The following EPM2A variants were observed in gnomAD, a reference collection of about 807,000 sequenced individuals.
The protein encoded by EPM2A is laforin.
A neutral mutation model predicts 26.5 loss-of-function variants in EPM2A; 21 were observed. The ratio of observed to expected loss-of-function variants is 0.79; its 90% CI spans 0.56 to 1.14. EPM2A has a LOEUF of 1.14. EPM2A is among the 50% of genes most tolerant of loss of function. The probability of loss-of-function intolerance (pLI) is 0.00; values close to 1 mark genes in which losing one functional copy is unlikely to be tolerated. For missense variants in EPM2A, 458 were observed against 440.8 expected (o/e 1.04, Z -0.35); for synonymous variants, 217 against 177.6 (o/e 1.22, Z -1.76).
intron 4 of EPM2A, among the ~76,000 whole-genome samples, chr6:145,467,034 C>G (rs1779407509): frequency 1.3e-5 from 2 of 152,148 alleles, no homozygotes; most frequent in South Asian, 4.1e-4. Context: ...GGGAGATATA[C>G]CTAATGCTAG....
chr6:145,517,635 C>T (rs918798926), intron 2 of EPM2A, among the ~76,000 whole-genome samples: 2 of 152,126 alleles, frequency 1.3e-5, no homozygotes, highest in African/African-American at 4.8e-5. Flanking sequence ...AAAAGACTAC[C>T]TAATTTATAT....
intron 2 of EPM2A, among the ~76,000 whole-genome samples, chr6:145,577,620 A>C: frequency 6.6e-6 from 1 of 150,980 alleles, no homozygotes; most frequent in Admixed American, 6.6e-5. Context: ...CTAAAATTTC[A>C]CTTTTGGCTT....
Position 145,414,115 on chromosome 6 carries a change from G to A in EPM2A, c.556-30018C>T, listed in dbSNP as rs529465528. ...GCACCTGAGGTGATCTTCCTCTTGGGCAGGATGGAAGTACTCCAGATCAAC... is the reference window on the plus strand; with the variant it reads ...GCACCTGAGGTGATCTTCCTCTTGGACAGGATGGAAGTACTCCAGATCAAC... On this transcript the variant is annotated intron_variant, in intron 4 of 4. Transcript: ENST00000638717. 7.2e-5 allele frequency among the ~76,000 whole-genome samples: 11 copies of A among 152,236 alleles called. 1 individual carries two copies. The South Asian group carries it at 2.1e-3, about 29-fold the overall frequency.
intron 2 of EPM2A, among the ~76,000 whole-genome samples, chr6:145,682,202 A>G (rs1431777588): frequency 6.6e-6 from 1 of 152,134 alleles, no homozygotes; most frequent in Non-Finnish European, 1.5e-5. Context: ...ACAAAGAGAG[A>G]GCATGTGCAG....
At chr6:145,386,939 G>A (rs1778270084) in intron 4 of EPM2A, among the ~76,000 whole-genome samples, 1 of 152,032 alleles carries the variant, frequency 6.6e-6, no homozygotes, top group African/African-American at 2.4e-5. Context: ...TCAGAGTATT[G>A]ACATACTTTA....
chr6:145,461,575 G>A (rs1170115807), intron 4 of EPM2A, among the ~76,000 whole-genome samples: 2 of 151,994 alleles, frequency 1.3e-5, no homozygotes, highest in South Asian at 2.1e-4. Flanking sequence ...TGTTGTGTAC[G>A]GTCTCACAGG....
chr6:145,676,189 T>C (rs112532589), intron 2 of EPM2A, among the ~76,000 whole-genome samples: 29 of 152,118 alleles, frequency 1.9e-4, no homozygotes, highest in Non-Finnish European at 3.4e-4. Flanking sequence ...GGATAAATAA[T>C]GAAATGAAGG....
At chr6:145,443,237 C>A (rs892271331) in intron 4 of EPM2A, among the ~76,000 whole-genome samples, 3 of 152,106 alleles carry the variant, frequency 2.0e-5, no homozygotes, top group Non-Finnish European at 4.4e-5. Flanking sequence ...CCATATGAAC[C>A]TTAGAATACA....
At chr6:145,580,195 G>T (rs1399225491) in intron 2 of EPM2A, among the ~76,000 whole-genome samples, 3 of 152,040 alleles carry the variant, frequency 2.0e-5, no homozygotes, top group Non-Finnish European at 4.4e-5. Flanking sequence ...CTGCCTGAAG[G>T]ACTTCCTCCA....
At chr6:145,735,522 C>T (rs1776827314), upstream of EPM2A, 7 of 1,175,660 alleles carry the variant, frequency 6.0e-6, no homozygotes, top group Middle Eastern at 3.5e-4. Context: ...GGCGCGAATA[C>T]CCGGGCCCGG....
At chr6:145,491,724 C>T (rs769467012) in intron 4 of EPM2A, 17 of 496,758 alleles carry the variant, frequency 3.4e-5, no homozygotes, top group Non-Finnish European at 7.0e-5. Flanking sequence ...CCCAGAATTT[C>T]CCTGCCTCCT....
At chr6:145,701,390 G>C (rs1325883445) in intron 1 of EPM2A, among the ~76,000 whole-genome samples, 2 of 152,184 alleles carry the variant, frequency 1.3e-5, no homozygotes, top group African/African-American at 4.8e-5. Flanking sequence ...CTTTTGTCAA[G>C]CTTCTAACCT....
At chr6:145,530,088 A>AT (rs1780333190) in intron 2 of EPM2A, among the ~76,000 whole-genome samples, 1 of 152,188 alleles carries the variant, frequency 6.6e-6, no homozygotes, top group African/African-American at 2.4e-5. Flanking sequence ...AAAGGTTCTC[A>AT]ACTTCCATCT....
intron 1 of EPM2A, among the ~76,000 whole-genome samples, chr6:145,695,049 T>C (rs932144659): frequency 3.3e-5 from 5 of 152,002 alleles, no homozygotes; most frequent in South Asian, 2.1e-4. Flanking sequence ...AGCAATTTTA[T>C]CTCTAACATG....
intron 4 of EPM2A, among the ~76,000 whole-genome samples, chr6:145,442,907 C>A (rs575457341): frequency 2.0e-5 from 3 of 151,448 alleles, no homozygotes; most frequent in African/African-American, 7.3e-5. Flanking sequence ...GTTGCGCAGG[C>A]TGGAGTGCAG....
chr6:145,728,414 G>A (rs1776319003), intron 1 of EPM2A, among the ~76,000 whole-genome samples: 1 of 152,322 alleles, frequency 6.6e-6, no homozygotes, highest in Admixed American at 6.5e-5. Flanking sequence ...GGACAGTGAA[G>A]TCCAGGCTGA....
At chr6:145,424,061 G>C (rs1778822717) in intron 4 of EPM2A, among the ~76,000 whole-genome samples, 1 of 152,088 alleles carries the variant, frequency 6.6e-6, no homozygotes, top group Non-Finnish European at 1.5e-5. Context: ...CATAGCATGG[G>C]TTACACCACC....
At chr6:145,569,362 C>A (rs980603430) in intron 2 of EPM2A, among the ~76,000 whole-genome samples, 2 of 152,204 alleles carry the variant, frequency 1.3e-5, no homozygotes, top group African/African-American at 4.8e-5. Flanking sequence ...CAGATGACCT[C>A]ATATGCCCCC....
chr6:145,681,733 T>A (rs917129241), intron 2 of EPM2A, among the ~76,000 whole-genome samples: 2 of 152,132 alleles, frequency 1.3e-5, no homozygotes, highest in African/African-American at 4.8e-5. Flanking sequence ...GAGGGCTCTG[T>A]TCTGTTCCAT....
Sources: allele counts gnomAD v4.1 joint callset (sites outside exome capture counted in the v4.1 genomes callset), GRCh38; gene constraint gnomAD v4.1.1; transcripts MANE v1.5; gene names NCBI Gene and HGNC (gene_info 2026-07-23, HGNC 2026-07-21).